The following FHIP2B variants were observed in gnomAD, a reference collection of about 807,000 sequenced individuals.
The protein encoded by FHIP2B is FHF complex subunit HOOK-interacting protein 2B.
FHIP2B carries 72 observed loss-of-function variants against 84.0 expected under a neutral mutation model. The observed-to-expected ratio is 0.86, with a 90% CI of 0.71 to 1.04. The LOEUF (loss-of-function observed/expected upper bound fraction) is 1.04. FHIP2B is among the 50% of genes least tolerant of loss of function. The pLI is 0.00. For synonymous variants in FHIP2B, 497 were observed against 418.7 expected, an observed-to-expected ratio of 1.19 and a Z score of -2.28; for missense variants, 972 against 968.9, an observed-to-expected ratio of 1.00 and a Z score of -0.04.
At chr8:22,090,644 A>T (rs997986834) in intron 1 of FHIP2B, among the ~76,000 whole-genome samples, 1 of 151,824 alleles carries the variant, frequency 6.6e-6, no homozygotes. Context: ...TCTTTTTATT[A>T]TTTATTTATT....
chr8:22,090,717 T>G (rs1825445990), intron 1 of FHIP2B, among the ~76,000 whole-genome samples: 1 of 152,186 alleles, frequency 6.6e-6, no homozygotes, highest in African/African-American at 2.4e-5. Flanking sequence ...CTCCACCTCC[T>G]GGGCTCAAGC....
rs1826248244 is a variant in FHIP2B, at chr8:22,103,653, T to G, written c.*722T>G. ...GTCCAGCTGGTTCCTCTCTGGCGCC[T>G]TCTGAACCCGTCTCAGCAGGTCCAC... On this transcript the variant is annotated 3_prime_UTR_variant, in exon 17 of 17. Coordinates refer to ENST00000289921, the MANE Select transcript of FHIP2B (RefSeq NM_022749.7). 6.6e-6 allele frequency: 1 copy of G among 152,386 alleles called. No individual in the cohort carries two copies. Among genetic ancestry groups the G allele is most frequent in the South Asian group, 2.1e-4 (1 of 4,840 alleles). The allele number at this position is 152,386 out of a possible 1,614,324, so 9.4% of individuals were successfully genotyped here.
intron 12 of FHIP2B, 142 bp downstream of exon 12, chr8:22,101,114 C>G (rs903211629): frequency 1.5e-5 from 17 of 1,152,754 alleles, no homozygotes; most frequent in Non-Finnish European, 2.0e-5. Flanking sequence ...CTCCCGGGTT[C>G]CGGATCCAAG....
At chr8:22,096,707 TC>T in intron 3 of FHIP2B, 198 bp downstream of exon 3, 1 of 691,822 alleles carries the variant, frequency 1.4e-6, no homozygotes, top group Non-Finnish European at 2.2e-6. Flanking sequence ...CCTATGCTCT[TC>T]CCAGTCCTGA....
chr8:22,101,379 C>T, intron 12 of FHIP2B, 61 bp from the exon 13 acceptor site: 1 of 1,387,586 alleles, frequency 7.2e-7, no homozygotes, highest in Non-Finnish European at 1.0e-6. Flanking sequence ...AGATGGGGTC[C>T]CACAAGCAGG....
rs757557174 is a variant in FHIP2B at position 22,101,479 on chromosome 8, C to T, written c.1656C>T (p.Ala552=). 56 of 1,612,748 alleles carry T rather than the reference C, an allele frequency of 3.5e-5. 1 individual carries two copies. In the South Asian group the frequency reaches 6.2e-4, roughly 18 times the overall value. The stretch of plus-strand genomic sequence containing the variant: ...TCCCCGAGGAAGCCAAGACCTCTGC[C>T]TTCCTGGAGGAGACAGGCTATGACA... ...CLVPEEAKTS[A]FLEETGYDTY... Residue 552 remains alanine, a synonymous_variant, in exon 13 of 17, where the codon GCC becomes GCT. Transcript: ENST00000289921.
Position 22,097,517 on chromosome 8 carries a change from AC to A in FHIP2B, c.305del (p.Pro102GlnfsTer79), listed in dbSNP as rs747272499. 5 of 1,601,348 alleles carry A rather than the reference AC, an allele frequency of 3.1e-6. No homozygotes were observed. Among genetic ancestry groups the A allele is most frequent in the South Asian group, 2.3e-5 (2 of 88,788 alleles). ...CAGGCGCTCTGTCCCTGGCCTCAGTACCCCCCAGGCATGCGGCAGCAGGTGT... is the reference window on the plus strand; with the variant it reads ...CAGGCGCTCTGTCCCTGGCCTCAGTACCCCCAGGCATGCGGCAGCAGGTGT... Reference protein sequence around the residue: ...ETLCTLGKAEYPPGMRQQVFQ... With the variant: ...ETLCTLGKAEXPPGMRQQVFQ... On this transcript the variant is annotated frameshift_variant and splice_region_variant, in exon 4 of 17. Transcript: ENST00000289921. LOFTEE classifies it high-confidence loss of function.
At position 22,097,831 on chromosome 8, in the gene FHIP2B, A is replaced by G. The variant is rs376667721; in HGVS notation, c.517A>G (p.Ile173Val). The G allele has an allele frequency of 6.2e-7, 1 of 1,612,774 alleles. No homozygotes were observed. Among genetic ancestry groups the G allele is most frequent in the African/African-American group, 1.3e-5 (1 of 74,894 alleles). Residue 173 changes from isoleucine to valine, a missense_variant, in exon 5 of 17, where the codon ATC (isoleucine) becomes GTC (valine). Ile to Val is a conservative substitution (Grantham distance 29). Coordinates refer to ENST00000289921, the MANE Select transcript of FHIP2B (RefSeq NM_022749.7). ...IQQDPELLAYILEGKKIVGRK... is the reference protein window; with the variant it reads ...IQQDPELLAYVLEGKKIVGRK... ...GCAGGACCCAGAGCTGCTCGCCTACATCCTGGAAGTGAGCACTCTGATCGG... is the reference window on the plus strand; with the variant it reads ...GCAGGACCCAGAGCTGCTCGCCTACGTCCTGGAAGTGAGCACTCTGATCGG...
In FHIP2B at chr8:22,101,758, C is replaced by A. The variant is rs745333673; in HGVS notation, c.1758C>A (p.Pro586=). ...RVASWGWPLT[P]TPLDPHEPER... ...CCTCCTGGGGCTGGCCTCTGACCCC[C>A]ACACCTTTGGACCCCCATGAGCCCG... is the stretch of plus-strand genomic sequence containing the variant. Residue 586 remains proline, a synonymous_variant, in exon 14 of 17, where the codon CCC becomes CCA. Coordinates refer to ENST00000289921, the MANE Select transcript of FHIP2B (RefSeq NM_022749.7). The A allele has an allele frequency of 6.2e-7, 1 of 1,613,490 alleles. No homozygotes were observed. Among genetic ancestry groups the A allele is most frequent in the East Asian group, 2.2e-5 (1 of 44,862 alleles).
intron 1 of FHIP2B, 28 bp downstream of exon 1, chr8:22,089,326 G>T (rs1422943007): frequency 7.0e-6 from 7 of 997,848 alleles, no homozygotes; most frequent in Non-Finnish European, 8.3e-6. Context: ...GGGCCGGGCC[G>T]CCGGGAGTCG....
In FHIP2B at chr8:22,096,443, G is replaced by A. The variant is rs768808645; in HGVS notation, c.231G>A (p.Gly77=). 1.7e-5 allele frequency: 26 copies of A among 1,555,174 alleles called. No individual in the cohort carries two copies. The East Asian group carries it at 6.3e-4, about 38-fold the overall frequency. ...AGCAGGCGGCCGCGGGTGAGGCAGG[G>A]CCCTGCCTGGAGTACCTGCTGCAGC... ...EQQQAAAGEA[G]PCLEYLLQHK... Residue 77 remains glycine (G), a synonymous_variant, in exon 3 of 17, where the codon GGG becomes GGA. Coordinates refer to ENST00000289921, the MANE Select transcript of FHIP2B (RefSeq NM_022749.7).
At chr8:22,102,005 C>A (rs1826146431) in intron 14 of FHIP2B, 154 bp downstream of exon 14, 2 of 1,505,630 alleles carry the variant, frequency 1.3e-6, no homozygotes, top group East Asian at 4.9e-5. Context: ...CCCTGCTCCA[C>A]ACGTCCTAAC....
chr8:22,102,589 T>C lies in FHIP2B; in HGVS notation c.2054T>C (p.Leu685Pro), dbSNP rs755233115. The C allele has an allele frequency of 1.9e-6, 3 of 1,564,752 alleles. No homozygotes were observed. The highest frequency in any genetic ancestry group is 2.4e-5 in the East Asian group (1 of 41,942). Reference sequence around the variant, plus strand: ...CCCCAGTTCCCAGGCAAGCTGCTCCTGGTGCGCAAGCAGTTGACGGGCCAG... The same window carrying C: ...CCCCAGTTCCCAGGCAAGCTGCTCCCGGTGCGCAAGCAGTTGACGGGCCAG... Reference protein sequence around the residue: ...RVPQFPGKLLLVRKQLTGQAP... With the variant: ...RVPQFPGKLLPVRKQLTGQAP... The change falls in exon 16 of 17, where the codon CTG becomes CCG. Residue 685 changes from leucine (L) to proline (P), a missense_variant. Transcript: ENST00000289921.
rs781268519 is a variant in FHIP2B, at chr8:22,097,521, C to G, written c.303C>G (p.Pro101=). 2.5e-6 allele frequency: 4 copies of G among 1,604,016 alleles called. No individual in the cohort carries two copies. The highest frequency in any genetic ancestry group is 3.4e-6 in the Non-Finnish European group (4 of 1,176,158). Residue 101 remains proline (P), a synonymous_variant, in exon 4 of 17, where the codon CCC becomes CCG. Coordinates refer to ENST00000289921, the MANE Select transcript of FHIP2B (RefSeq NM_022749.7). ...TLCTLGKAEY[P]PGMRQQVFQF... The stretch of plus-strand genomic sequence containing the variant: ...CGCTCTGTCCCTGGCCTCAGTACCC[C>G]CCAGGCATGCGGCAGCAGGTGTTCC...
Position 22,102,270 on chromosome 8 carries a change from C to T in FHIP2B, c.1947C>T (p.Ile649=). The change falls in exon 15 of 17, where the codon ATC becomes ATT. Residue 649 remains isoleucine, a synonymous_variant. Coordinates refer to ENST00000289921, the MANE Select transcript of FHIP2B (RefSeq NM_022749.7). ...ATGAGTACCTGCTGGATCCGTACAT[C>T]AGCCTGGCCCCCGGCTGCAGGAGCC... ...HIHEYLLDPY[I]SLAPGCRSLF... is the part of the protein sequence containing the mutation. 6.2e-7 allele frequency: 1 copy of T among 1,613,188 alleles called. No individual in the cohort carries two copies. Among genetic ancestry groups the T allele is most frequent in the Non-Finnish European group, 8.5e-7 (1 of 1,179,878 alleles).
chr8:22,096,586 C>A, intron 3 of FHIP2B, 77 bp downstream of exon 3: 1 of 1,421,452 alleles, frequency 7.0e-7, no homozygotes, highest in Non-Finnish European at 9.2e-7. Flanking sequence ...GGTGGGAGGC[C>A]TCTGTGCGCT....
At chr8:22,093,396 A>C (rs770911719) in intron 1 of FHIP2B, among the ~76,000 whole-genome samples, 2 of 152,184 alleles carry the variant, frequency 1.3e-5, no homozygotes, top group Non-Finnish European at 2.9e-5. Flanking sequence ...AGTATCAGCC[A>C]TGGTGTAGAG....
rs762336631 is a variant in FHIP2B, at chr8:22,098,338, G to A, written c.768+28G>A. ...GCTGGCAGCAGAGATGGAGAGGTTG[G>A]GGGTGGGGGAAGGGTGGGTTGACGG... On this transcript the variant is annotated intron_variant, in intron 6 of 16. Coordinates refer to ENST00000289921, the MANE Select transcript of FHIP2B (RefSeq NM_022749.7). 4.5e-6 allele frequency: 7 copies of A among 1,544,206 alleles called. No homozygotes were observed. In the African/African-American group the frequency reaches 6.9e-5, roughly 15 times the overall value.
intron 8 of FHIP2B, 61 bp from the exon 9 acceptor site, chr8:22,099,223 G>A (rs371611700): frequency 3.2e-5 from 51 of 1,591,148 alleles, no homozygotes; most frequent in South Asian, 2.4e-4. Context: ...GCAAGAACAC[G>A]GTTATTTCTC....
Sources: allele counts gnomAD v4.1 joint callset (sites outside exome capture counted in the v4.1 genomes callset), GRCh38; gene constraint gnomAD v4.1.1; transcripts MANE v1.5; gene names NCBI Gene and HGNC (gene_info 2026-07-23, HGNC 2026-07-21).